PI4KA: variants seen among roughly 807,000 people sequenced by gnomAD.
The protein encoded by PI4KA is phosphatidylinositol 4-kinase alpha.
In PI4KA, 122 loss-of-function variants were observed where a neutral mutation model predicts 271.4. The observed-to-expected ratio is 0.45, with a 90% confidence interval of 0.39 to 0.52. The LOEUF (loss-of-function observed/expected upper bound fraction) is 0.52, where lower values mean the gene tolerates loss of function less well. Ranked by LOEUF, PI4KA falls within the 20% of genes least tolerant of loss-of-function variation. The pLI is 0.00. For synonymous variants in PI4KA, 1,041 were observed against 1,078.8 expected (o/e 0.96, Z 0.69); for missense variants, 1,969 against 2,769.1 (o/e 0.71, Z 6.48).
rs982642966 is a variant in PI4KA, at chr22:20,713,136, C to T, written c.5571+145G>A. 3.8e-5 allele frequency: 28 copies of T among 729,420 alleles called. No individual in the cohort carries two copies. The African/African-American group carries it at 4.5e-4, about 12-fold the overall frequency. 45.2% of individuals were successfully genotyped at this position (729,420 alleles called of 1,614,324 possible). On this transcript the variant is annotated intron_variant, in intron 48 of 54. Transcript: ENST00000255882. ...AGAGGCCTCTGGGTTTTGCAGAAGC[C>T]CTAATTTACCCCGTGGCACCTGAAC... is the stretch of plus-strand genomic sequence containing the variant.
intron 22 of PI4KA, 86 bp downstream of exon 22, chr22:20,764,731 A>G (rs1932346010): frequency 8.6e-6 from 12 of 1,390,988 alleles, no homozygotes; most frequent in Non-Finnish European, 1.2e-5. Context: ...AGAAGTTGAA[A>G]AAAGTCTCAT....
At chr22:20,856,618 G>C (rs1927629554) in intron 1 of PI4KA, among the ~76,000 whole-genome samples, 1 of 151,982 alleles carries the variant, frequency 6.6e-6, no homozygotes, top group Non-Finnish European at 1.5e-5. Flanking sequence ...GTTTTTAGCA[G>C]AGACAGGGTT....
At chr22:20,727,485 T>G in intron 40 of PI4KA, 88 bp from the exon 41 acceptor site, 1 of 1,232,576 alleles carries the variant, frequency 8.1e-7, no homozygotes, top group Non-Finnish European at 1.1e-6. Flanking sequence ...AGGACGGCCA[T>G]GAGAAGTGAT....
chr22:20,856,123 T>TACTAAATACTAAAC (rs1927566051), intron 1 of PI4KA, among the ~76,000 whole-genome samples: 1 of 152,082 alleles, frequency 6.6e-6, no homozygotes, highest in Non-Finnish European at 1.5e-5. Flanking sequence ...CTCCACTAAA[T>TACTAAATACTAAAC]ACTAAATACT....
intron 18 of PI4KA, among the ~76,000 whole-genome samples, chr22:20,794,419 T>C (rs1430834320): frequency 1.3e-5 from 2 of 152,156 alleles, no homozygotes; most frequent in Non-Finnish European, 2.9e-5. Context: ...AAGGTCCCGC[T>C]AGACACGCGG....
intron 25 of PI4KA, 128 bp downstream of exon 25, chr22:20,752,775 C>T (rs1455953610): frequency 2.1e-6 from 2 of 962,226 alleles, no homozygotes; most frequent in Admixed American, 1.9e-5. Context: ...GCTGCATCAC[C>T]CTTAGGAGTT....
chr22:20,809,862 A>C (rs1403481284), intron 9 of PI4KA, among the ~76,000 whole-genome samples: 1 of 152,140 alleles, frequency 6.6e-6, no homozygotes, highest in African/African-American at 2.4e-5. Flanking sequence ...CATACATCTC[A>C]CATCTGCAAT....
At chr22:20,836,547 G>C (rs1046301987) in intron 2 of PI4KA, among the ~76,000 whole-genome samples, 6 of 152,158 alleles carry the variant, frequency 3.9e-5, no homozygotes, top group Non-Finnish European at 7.3e-5. Context: ...AGCAGCACAG[G>C]GTGAGTAAAA....
Position 20,744,675 on chromosome 22 carries a change from A to C in PI4KA, c.3409T>G (p.Ser1137Ala). ...AGATTCAGGGATGCCATGAAGTTGG[A>C]GTAGTCTTTCTTCACACAGGCCGGG... ...ERPACVKKDY[S>A]NFMASLNLRN... Residue 1137 changes from serine to alanine, a missense_variant, in exon 30 of 55, where the codon TCC becomes GCC. This residue lies in a region of PI4KA where 203 missense variants were observed against 256.8 expected (regional missense o/e 0.79). Transcript: ENST00000255882. The C allele has an allele frequency of 3.7e-6, 6 of 1,614,218 alleles. No homozygotes were observed. The highest frequency in any genetic ancestry group is 5.1e-6 in the Non-Finnish European group (6 of 1,180,030).
At chr22:20,838,410 A>C (rs1925149270) in intron 2 of PI4KA, among the ~76,000 whole-genome samples, 1 of 152,208 alleles carries the variant, frequency 6.6e-6, no homozygotes, top group South Asian at 2.1e-4. Flanking sequence ...ATATGCACAC[A>C]ATTCTAAAAA....
intron 42 of PI4KA, chr22:20,725,306 G>T: frequency 5.0e-6 from 1 of 199,726 alleles, no homozygotes; most frequent in Non-Finnish European, 1.1e-5. Flanking sequence ...AGGCGGCTCG[G>T]GCTCCTGGCT....
rs1927955582 is a variant in PI4KA at position 20,858,579 on chromosome 22, G to A, written c.147C>T (p.Ser49=). 7.1e-7 allele frequency: 1 copy of A among 1,412,450 alleles called. No individual in the cohort carries two copies. The highest frequency in any genetic ancestry group is 1.5e-5 in the African/African-American group (1 of 67,564). The allele number at this position is 1,412,450 out of a possible 1,614,324, so 87.5% of individuals were successfully genotyped here. The part of the protein sequence containing the change: ...ARSLAVQRPA[S]LEKVQKLLCM... The stretch of plus-strand genomic sequence containing the variant: ...AGCCCGCCGACGTTACCTTCTCCAA[G>A]GATGCTGGTCTCTGCACCGCCAGGG... Residue 49 remains serine (S), a synonymous_variant, in exon 1 of 55, where the codon TCC becomes TCT. Coordinates refer to ENST00000255882, the MANE Select transcript of PI4KA (RefSeq NM_058004.4).
intron 20 of PI4KA, 96 bp downstream of exon 20, chr22:20,765,489 T>G: frequency 1.2e-6 from 1 of 865,782 alleles, no homozygotes; most frequent in Non-Finnish European, 1.9e-6. Context: ...GTGGACTCAT[T>G]TAAACATGCT....
In PI4KA at chr22:20,789,306, C is replaced by CATTT. The variant is rs113990875; in HGVS notation, c.2328+3883_2328+3886dup. Among the ~76,000 whole-genome samples, 539 of 152,230 alleles carry CATTT rather than the reference C, an allele frequency of 3.5e-3. 1 individual carries two copies. Among genetic ancestry groups the CATTT allele is most frequent in the African/African-American group, 0.011 (475 of 41,542 alleles). Reference sequence around the variant, plus strand: ...ATTAATCAAATTAATGTCTAGAAAGCATTTATTTATTTATTTATTTATTCA... The same window carrying CATTT: ...ATTAATCAAATTAATGTCTAGAAAGCATTTATTTATTTATTTATTTATTTATTCA... On this transcript the variant is annotated intron_variant, in intron 19 of 54. Coordinates refer to ENST00000255882, the MANE Select transcript of PI4KA (RefSeq NM_058004.4).
chr22:20,741,593 A>T (rs1465296727), intron 32 of PI4KA, among the ~76,000 whole-genome samples: 1 of 152,248 alleles, frequency 6.6e-6, no homozygotes, highest in Non-Finnish European at 1.5e-5. Context: ...CACCACCACC[A>T]GCCCGGAACA....
chr22:20,800,087 G>A (rs564452735), intron 14 of PI4KA, among the ~76,000 whole-genome samples: 12 of 152,116 alleles, frequency 7.9e-5, no homozygotes, highest in East Asian at 1.9e-4. Flanking sequence ...AAAGACAAAC[G>A]GTCCCAAGAT....
chr22:20,721,208 C>A, intron 43 of PI4KA, 90 bp downstream of exon 43: 1 of 1,397,850 alleles, frequency 7.2e-7, no homozygotes, highest in Non-Finnish European at 1.0e-6. Flanking sequence ...TGGGGCAGTG[C>A]AGGCTGGCGA....
Position 20,734,397 on chromosome 22 carries a change from C to T in PI4KA, c.3898G>A (p.Asp1300Asn), listed in dbSNP as rs1258604908. 3 of 1,582,318 alleles carry T rather than the reference C, an allele frequency of 1.9e-6. No individual in the cohort carries two copies. Among genetic ancestry groups the T allele is most frequent in the Non-Finnish European group, 2.6e-6 (3 of 1,154,588 alleles). The part of the protein sequence containing the change: ...PEVTPHYIWI[D>N]FLVQRFEIAK... ...TTCGTGGGGGAACAGGCACGTACGT[C>T]GATCCAGATGTAGTGGGGGGTCACT... The change falls in exon 33 of 55, where the codon GAC (aspartate) becomes AAC (asparagine). Residue 1300 changes from aspartate (D) to asparagine (N), a missense_variant and splice_region_variant. This residue lies in a region of PI4KA where 11 missense variants were observed against 49.6 expected (regional missense o/e 0.22). Coordinates refer to ENST00000255882, the MANE Select transcript of PI4KA (RefSeq NM_058004.4).
intron 19 of PI4KA, chr22:20,779,496 G>A (rs762809184): frequency 5.0e-6 from 8 of 1,614,022 alleles, no homozygotes; most frequent in Non-Finnish European, 6.8e-6. Flanking sequence ...CTTCCACAAG[G>A]AAAACACCGT....
Sources: gnomAD v4.1 joint callset for allele counts (sites outside exome capture counted in the v4.1 genomes callset) on GRCh38, gnomAD v4.1.1 for gene constraint, gnomAD v4.1.1 regional missense constraint, MANE v1.5 for transcripts, NCBI Gene and HGNC (gene_info 2026-07-23, HGNC 2026-07-21) for gene names.